Variants in CFAP45 observed in about 807,000 individuals in gnomAD.
The protein encoded by CFAP45 is cilia and flagella associated protein 45, also known as cilia- and flagella-associated protein 45.
CFAP45 carries 43 observed loss-of-function variants against 75.6 expected under a neutral mutation model. That is an observed-to-expected ratio of 0.57 (90% CI 0.45 to 0.73). The LOEUF (loss-of-function observed/expected upper bound fraction) is 0.73, where lower values mean the gene tolerates loss of function less well. Ranked by LOEUF, CFAP45 falls within the 30% of genes least tolerant of loss-of-function variation. CFAP45 has a pLI of 0.00. For missense variants in CFAP45, 689 were observed against 701.5 expected, an observed-to-expected ratio of 0.98 and a Z score of 0.20; for synonymous variants, 223 against 244.6, an observed-to-expected ratio of 0.91 and a Z score of 0.82.
chr1:159,887,740 CA>C, intron 5 of CFAP45, 100 bp downstream of exon 5: 3 of 1,274,630 alleles, frequency 2.4e-6, no homozygotes, highest in East Asian at 2.5e-5. Context: ...CACCCCTGCC[CA>C]CACCCCCACC....
At chr1:159,884,062 T>C (rs1378185435) in intron 7 of CFAP45, among the ~76,000 whole-genome samples, 1 of 152,200 alleles carries the variant, frequency 6.6e-6, no homozygotes, top group African/African-American at 2.4e-5. Flanking sequence ...AACTAAGATA[T>C]TGCTACTGTT....
chr1:159,899,107 G>A (rs1650013566), intron 1 of CFAP45, among the ~76,000 whole-genome samples: 1 of 151,876 alleles, frequency 6.6e-6, no homozygotes. Flanking sequence ...TCCCCTCTGG[G>A]ACCAACACAC....
chr1:159,877,509 T>G, intron 8 of CFAP45, 47 bp from the exon 9 acceptor site: 1 of 1,338,004 alleles, frequency 7.5e-7, no homozygotes. Flanking sequence ...TGCCCCAGCC[T>G]TGCAGAGAGA....
intron 8 of CFAP45, among the ~76,000 whole-genome samples, chr1:159,878,241 G>A (rs1649453300): frequency 6.6e-6 from 1 of 152,218 alleles, no homozygotes; most frequent in Non-Finnish European, 1.5e-5. Flanking sequence ...AGCAGGTGGA[G>A]GTTATCTCAT....
chr1:159,899,985 G>T, intron 1 of CFAP45, 111 bp downstream of exon 1: 1 of 1,173,120 alleles, frequency 8.5e-7, no homozygotes, highest in Non-Finnish European at 1.2e-6. Context: ...TTACTCCTGG[G>T]CCCTCCTGAC....
chr1:159,875,499 G>A (rs1025045068), intron 10 of CFAP45, among the ~76,000 whole-genome samples: 4 of 152,172 alleles, frequency 2.6e-5, no homozygotes, highest in African/African-American at 4.8e-5. Context: ...AGAGGCTCCC[G>A]AAGACCTGCT....
intron 1 of CFAP45, among the ~76,000 whole-genome samples, chr1:159,895,378 T>C (rs1649930181): frequency 6.6e-6 from 1 of 152,180 alleles, no homozygotes; most frequent in Non-Finnish European, 1.5e-5. Context: ...CAGGGAAATA[T>C]ACCATGCTTT....
chr1:159,872,557 A>C lies in CFAP45; in HGVS notation c.1584T>G (p.Thr528=). Residue 528 remains threonine, a synonymous_variant, in exon 12 of 12, where the codon ACT becomes ACG. Coordinates refer to ENST00000368099, the MANE Select transcript of CFAP45 (RefSeq NM_012337.3). ...KRKKLEELRA[T]GLPEKYCIEA... ...CAATGCAGTACTTCTCGGGAAGGCC[A>C]GTGGCTCTGCCGGGGAAACGCAGGC... is the stretch of plus-strand genomic sequence containing the variant. The C allele has an allele frequency of 6.2e-7, 1 of 1,614,006 alleles. No homozygotes were observed. Among genetic ancestry groups the C allele is most frequent in the African/African-American group, 1.3e-5 (1 of 75,070 alleles).
intron 2 of CFAP45, among the ~76,000 whole-genome samples, chr1:159,892,235 C>A (rs771232144): frequency 6.6e-6 from 1 of 151,914 alleles, no homozygotes; most frequent in Admixed American, 6.6e-5. Flanking sequence ...GGCAGTGAGC[C>A]GAGACTGTAC....
At chr1:159,888,621 C>T (rs115603412) in intron 3 of CFAP45, 125 bp from the exon 4 acceptor site, 8,710 of 869,836 alleles carry the variant, frequency 0.01, 60 homozygotes, top group Middle Eastern at 0.017. Context: ...GCAGAAGAGA[C>T]GGCAAGTGTG....
intron 10 of CFAP45, among the ~76,000 whole-genome samples, chr1:159,874,101 A>G (rs1649347525): frequency 6.6e-6 from 1 of 152,196 alleles, no homozygotes; most frequent in Non-Finnish European, 1.5e-5. Flanking sequence ...GGCAACAGGA[A>G]AGGCTCAGAA....
At chr1:159,886,488 A>C in intron 6 of CFAP45, 23 bp downstream of exon 6, 2 of 1,606,998 alleles carry the variant, frequency 1.2e-6, no homozygotes, top group Non-Finnish European at 1.7e-6. Context: ...TTAGAGAGGG[A>C]GATGCCAAAA....
chr1:159,900,121 T>C lies in CFAP45; in HGVS notation c.-23A>G. ...CATCTCCTCAGCCACACGCCCTGAC[T>C]CCGGACTTCTGCTGCCGCCTCGGCG... is the stretch of plus-strand genomic sequence containing the variant. On this transcript the variant is annotated 5_prime_UTR_variant, in exon 1 of 12. Coordinates refer to ENST00000368099, the MANE Select transcript of CFAP45 (RefSeq NM_012337.3). 1 of 1,614,032 alleles carries C rather than the reference T, an allele frequency of 6.2e-7. No individual in the cohort carries two copies. Among genetic ancestry groups the C allele is most frequent in the East Asian group, 2.2e-5 (1 of 44,848 alleles).
intron 1 of CFAP45, among the ~76,000 whole-genome samples, chr1:159,898,799 G>A (rs960158031): frequency 2.0e-5 from 3 of 152,224 alleles, no homozygotes; most frequent in Non-Finnish European, 4.4e-5. Flanking sequence ...GGTGCTGAGA[G>A]AAGATGGGAC....
At chr1:159,895,174 T>G (rs988551112) in intron 1 of CFAP45, among the ~76,000 whole-genome samples, 4 of 152,136 alleles carry the variant, frequency 2.6e-5, no homozygotes, top group African/African-American at 9.7e-5. Context: ...AGAGTAGACG[T>G]CTATCTCTAA....
chr1:159,887,721 C>G (rs928117401), intron 5 of CFAP45, 120 bp downstream of exon 5: 25 of 1,020,354 alleles, frequency 2.5e-5, no homozygotes, highest in Non-Finnish European at 3.0e-5. Flanking sequence ...GTGCAGCTCT[C>G]CCCCGCCCCA....
At chr1:159,890,917 C>G (rs993424473) in intron 2 of CFAP45, among the ~76,000 whole-genome samples, 6 of 152,040 alleles carry the variant, frequency 3.9e-5, no homozygotes, top group Non-Finnish European at 7.4e-5. Context: ...CACCACCATG[C>G]CTGGCTAATT....
intron 8 of CFAP45, 77 bp from the exon 9 acceptor site, chr1:159,877,539 AC>A (rs1448934678): frequency 1.0e-6 from 1 of 955,576 alleles, no homozygotes; most frequent in Non-Finnish European, 1.7e-6. Flanking sequence ...CCTACAACAG[AC>A]TTTCCAATAT....
At chr1:159,882,416 CT>C (rs1366156140) in intron 7 of CFAP45, among the ~76,000 whole-genome samples, 2 of 152,172 alleles carry the variant, frequency 1.3e-5, no homozygotes, top group Non-Finnish European at 2.9e-5. Flanking sequence ...TATTTATTTA[CT>C]TTTTGGATTG....
Sources: gnomAD v4.1 joint callset for allele counts (sites outside exome capture counted in the v4.1 genomes callset) on GRCh38, gnomAD v4.1.1 for gene constraint, MANE v1.5 for transcripts, NCBI Gene and HGNC (gene_info 2026-07-23, HGNC 2026-07-21) for gene names.